The following MYCBP2 variants were observed in gnomAD, a reference collection of about 807,000 sequenced individuals.
The protein encoded by MYCBP2 is E3 ubiquitin-protein ligase MYCBP2.
In MYCBP2, 120 loss-of-function variants were observed where a neutral mutation model predicts 525.3. The ratio of observed to expected loss-of-function variants is 0.23; its 90% CI spans 0.20 to 0.27. MYCBP2 has a LOEUF of 0.27. Among genes scored for constraint, MYCBP2 ranks in the 10% least tolerant of loss-of-function variants. The pLI, the probability that MYCBP2 is intolerant of heterozygous loss-of-function variation, is 1.00. For synonymous variants in MYCBP2, 1,894 were observed against 1,955.8 expected (o/e 0.97, Z 0.83); for missense variants, 4,149 against 5,657.1 (o/e 0.73, Z 8.55).
Position 77,115,205 on chromosome 13 carries a change from T to C in MYCBP2, c.8140+6168A>G, listed in dbSNP as rs74794675. 4.2e-3 allele frequency among the ~76,000 whole-genome samples: 636 copies of C among 151,946 alleles called. 11 individuals carry two copies. The highest frequency in any genetic ancestry group is 0.039 in the East Asian group (201 of 5,172). Reference sequence around the variant, plus strand: ...TGATGTGTAAGACACTGTCAGAAGGTACAGGACATAAAATGAAGCTTTCAA... The same window carrying C: ...TGATGTGTAAGACACTGTCAGAAGGCACAGGACATAAAATGAAGCTTTCAA... On this transcript the variant is annotated intron_variant, in intron 55 of 82. Coordinates refer to ENST00000544440, the MANE Select transcript of MYCBP2 (RefSeq NM_015057.5).
chr13:77,192,175 G>C (rs1335134153), intron 27 of MYCBP2, among the ~76,000 whole-genome samples: 7 of 152,212 alleles, frequency 4.6e-5, no homozygotes, highest in African/African-American at 1.7e-4. Context: ...CAGCTAAATA[G>C]TTTTGAAAGG....
At chr13:77,085,616 A>G (rs1035818507) in intron 62 of MYCBP2, among the ~76,000 whole-genome samples, 1 of 152,184 alleles carries the variant, frequency 6.6e-6, no homozygotes, top group Non-Finnish European at 1.5e-5. Flanking sequence ...CTTGTGAATT[A>G]TACTAGCTAA....
At chr13:77,294,015 C>T (rs2154363646) in intron 2 of MYCBP2, among the ~76,000 whole-genome samples, 1 of 147,698 alleles carries the variant, frequency 6.8e-6, no homozygotes, top group South Asian at 2.2e-4. Flanking sequence ...GGTATCTAAC[C>T]TGGGTAAGAT....
At chr13:77,165,649 T>C (rs538841691) in intron 41 of MYCBP2, among the ~76,000 whole-genome samples, 31 of 152,334 alleles carry the variant, frequency 2.0e-4, no homozygotes, top group Non-Finnish European at 2.4e-4. Flanking sequence ...CCCTGCTTAA[T>C]AAAGTACTTC....
chr13:77,092,970 T>C (rs1224822665), intron 59 of MYCBP2, among the ~76,000 whole-genome samples, 195 bp downstream of exon 59: 1 of 152,212 alleles, frequency 6.6e-6, no homozygotes, highest in Non-Finnish European at 1.5e-5. Context: ...AGTTGATCTC[T>C]TCTCTCCAAC....
chr13:77,068,471 A>C (rs564180481), intron 70 of MYCBP2, 94 bp downstream of exon 70: 2 of 1,431,318 alleles, frequency 1.4e-6, no homozygotes, highest in African/African-American at 1.4e-5. Context: ...AAAAATCTAT[A>C]CTTAGGGTCC....
intron 40 of MYCBP2, 59 bp from the exon 41 acceptor site, chr13:77,166,613 T>A: frequency 8.6e-7 from 1 of 1,169,460 alleles, no homozygotes; most frequent in Non-Finnish European, 1.2e-6. Context: ...AACATACACA[T>A]CTGCATCTGT....
At chr13:77,246,196 T>C (rs2069902441) in intron 15 of MYCBP2, among the ~76,000 whole-genome samples, 1 of 152,178 alleles carries the variant, frequency 6.6e-6, no homozygotes, top group Non-Finnish European at 1.5e-5. Context: ...GAAGAACATA[T>C]CTGGCAGCAG....
chr13:77,063,235 A>G (rs913702934), intron 73 of MYCBP2, among the ~76,000 whole-genome samples: 1 of 152,146 alleles, frequency 6.6e-6, no homozygotes, highest in Non-Finnish European at 1.5e-5. Flanking sequence ...TCAGAAATAC[A>G]TACATGTCTA....
At chr13:77,274,969 T>G (rs2075353967) in intron 4 of MYCBP2, among the ~76,000 whole-genome samples, 1 of 152,080 alleles carries the variant, frequency 6.6e-6, no homozygotes, top group Non-Finnish European at 1.5e-5. Context: ...CTTCCTTCCC[T>G]CCATCCTTTC....
At chr13:77,180,100 A>G in intron 34 of MYCBP2, 27 bp downstream of exon 34, 2 of 1,557,532 alleles carry the variant, frequency 1.3e-6, no homozygotes, top group Non-Finnish European at 1.7e-6. Flanking sequence ...TGTGCTTTTT[A>G]TCCAGTGTCA....
intron 55 of MYCBP2, among the ~76,000 whole-genome samples, chr13:77,105,825 A>G (rs577299825): frequency 1.3e-5 from 2 of 152,104 alleles, no homozygotes; most frequent in Non-Finnish European, 2.9e-5. Flanking sequence ...TTTGAAGTTA[A>G]TATTGTTTGC....
chr13:77,212,982 T>C (rs1400989020), intron 21 of MYCBP2, among the ~76,000 whole-genome samples: 1 of 152,082 alleles, frequency 6.6e-6, no homozygotes, highest in South Asian at 2.1e-4. Flanking sequence ...CACGTTCTCA[T>C]CCAACCACCA....
chr13:77,290,488 TAAAC>T (rs941989651), intron 2 of MYCBP2, among the ~76,000 whole-genome samples: 1 of 152,200 alleles, frequency 6.6e-6, no homozygotes, highest in Non-Finnish European at 1.5e-5. Flanking sequence ...GGTAAATGGT[TAAAC>T]AAACTATAGT....
chr13:77,205,137 A>G (rs1014683910), intron 26 of MYCBP2, 119 bp downstream of exon 26: 2 of 899,102 alleles, frequency 2.2e-6, no homozygotes, highest in Non-Finnish European at 3.0e-6. Flanking sequence ...AAGAAGCATT[A>G]AAAACAAAAT....
intron 30 of MYCBP2, among the ~76,000 whole-genome samples, chr13:77,188,043 C>T (rs1482751123): frequency 6.8e-6 from 1 of 147,332 alleles, no homozygotes; most frequent in Non-Finnish European, 1.5e-5. Context: ...TGCACTCCAG[C>T]CTGGGCGACA....
chr13:77,205,181 A>G (rs1434994705), intron 26 of MYCBP2, 75 bp downstream of exon 26: 3 of 1,291,006 alleles, frequency 2.3e-6, no homozygotes, highest in Non-Finnish European at 3.0e-6. Context: ...ATTAGACATT[A>G]AATAATAAAA....
chr13:77,226,510 T>C (rs2066287860), intron 18 of MYCBP2, among the ~76,000 whole-genome samples: 2 of 152,300 alleles, frequency 1.3e-5, no homozygotes, highest in Admixed American at 6.5e-5. Flanking sequence ...GGAAGGAATT[T>C]CACAAGTTCA....
intron 5 of MYCBP2, among the ~76,000 whole-genome samples, chr13:77,271,838 C>T (rs894235158): frequency 6.6e-6 from 1 of 152,218 alleles, no homozygotes; most frequent in South Asian, 2.1e-4. Flanking sequence ...ACTTAATGCA[C>T]ACATTCTCAG....
Sources: allele counts gnomAD v4.1 joint callset (sites outside exome capture counted in the v4.1 genomes callset), GRCh38; gene constraint gnomAD v4.1.1; transcripts MANE v1.5; gene names NCBI Gene and HGNC (gene_info 2026-07-23, HGNC 2026-07-21).